The following PKP2 variants were observed in gnomAD, a reference collection of about 807,000 sequenced individuals.
The protein encoded by PKP2 is plakophilin 2, also known as plakophilin-2.
Under a neutral mutation model 83.4 loss-of-function variants are expected in PKP2, and 73 were observed. The observed-to-expected ratio is 0.88, with a 90% confidence interval of 0.72 to 1.06. The LOEUF (loss-of-function observed/expected upper bound fraction) is 1.06. Ranked by LOEUF, PKP2 falls within the 50% of genes least tolerant of loss-of-function variation. PKP2 has a pLI of 0.00. For missense variants in PKP2, 966 were observed against 1,065.4 expected, an observed-to-expected ratio of 0.91 and a Z score of 1.30; for synonymous variants, 409 against 430.4, an observed-to-expected ratio of 0.95 and a Z score of 0.62.
At chr12:32,887,493 G>A (rs759479396) in intron 1 of PKP2, among the ~76,000 whole-genome samples, 4 of 152,052 alleles carry the variant, frequency 2.6e-5, no homozygotes, top group Non-Finnish European at 4.4e-5. Context: ...TTGCTCTGTC[G>A]CCCAGGCTGA....
chr12:32,850,541 G>A (rs1362484108), intron 5 of PKP2, among the ~76,000 whole-genome samples: 1 of 151,758 alleles, frequency 6.6e-6, no homozygotes, highest in Non-Finnish European at 1.5e-5. Flanking sequence ...ACCTCAGCCT[G>A]GGTGATAGAG....
chr12:32,871,887 G>C (rs901894396), intron 3 of PKP2, among the ~76,000 whole-genome samples: 1 of 152,070 alleles, frequency 6.6e-6, no homozygotes, highest in East Asian at 1.9e-4. Context: ...AATCTTTTCT[G>C]TACCCCATCC....
chr12:32,864,433 T>C (rs1956829333), intron 4 of PKP2, among the ~76,000 whole-genome samples: 1 of 151,412 alleles, frequency 6.6e-6, no homozygotes, highest in African/African-American at 2.4e-5. Flanking sequence ...CCATTTATAA[T>C]AGCATCTGGA....
intron 3 of PKP2, among the ~76,000 whole-genome samples, chr12:32,869,280 C>T (rs544709512): frequency 1.2e-4 from 19 of 152,286 alleles, no homozygotes; most frequent in Admixed American, 5.9e-4. Flanking sequence ...AGACATTGGA[C>T]GATGTCATTC....
At chr12:32,829,640 G>C (rs1373716019) in intron 6 of PKP2, among the ~76,000 whole-genome samples, 1 of 151,032 alleles carries the variant, frequency 6.6e-6, no homozygotes, top group Non-Finnish European at 1.5e-5. Context: ...AAGGCCTGGT[G>C]GCTGTGGGAC....
At chr12:32,889,708 C>T (rs562118409) in intron 1 of PKP2, among the ~76,000 whole-genome samples, 65 of 152,198 alleles carry the variant, frequency 4.3e-4, no homozygotes, top group South Asian at 3.5e-3. Flanking sequence ...CAAATAGTTT[C>T]GACTGTTCTC....
intron 4 of PKP2, among the ~76,000 whole-genome samples, chr12:32,867,514 A>G (rs1280718454): frequency 6.6e-6 from 1 of 152,220 alleles, no homozygotes; most frequent in Non-Finnish European, 1.5e-5. Flanking sequence ...TTGTACCTCA[A>G]TAAGGTAGTT....
At chr12:32,850,488 C>T (rs1450297365) in intron 5 of PKP2, among the ~76,000 whole-genome samples, 1 of 152,018 alleles carries the variant, frequency 6.6e-6, no homozygotes, top group Non-Finnish European at 1.5e-5. Flanking sequence ...ATTGCTTGAA[C>T]CCTGGAGGCG....
At chr12:32,881,536 T>C (rs1956986206) in intron 1 of PKP2, among the ~76,000 whole-genome samples, 1 of 152,162 alleles carries the variant, frequency 6.6e-6, no homozygotes, top group Non-Finnish European at 1.5e-5. Flanking sequence ...TTGAAAGCAA[T>C]CTTTTCCATG....
chr12:32,873,565 C>CT (rs922292584), intron 3 of PKP2, among the ~76,000 whole-genome samples: 33 of 151,090 alleles, frequency 2.2e-4, no homozygotes, highest in African/African-American at 7.0e-4. Context: ...AGTCTTGCTC[C>CT]TTCGCCCAGG....
At chr12:32,869,893 G>A (rs1799470751) in intron 3 of PKP2, among the ~76,000 whole-genome samples, 1 of 152,066 alleles carries the variant, frequency 6.6e-6, no homozygotes, top group African/African-American at 2.4e-5. Context: ...GCTGGGTGTG[G>A]TGGCATGTGC....
rs951619489 is a variant in PKP2, at chr12:32,792,252, C to A, written c.*172G>T. 8 of 670,164 alleles carry A rather than the reference C, an allele frequency of 1.2e-5. No individual in the cohort carries two copies. The highest frequency in any genetic ancestry group is 2.2e-5 in the Non-Finnish European group (8 of 368,174). 41.5% of individuals were successfully genotyped at this position (670,164 alleles called of 1,614,324 possible). A position where few individuals can be genotyped will look rare whatever the true frequency, so the allele number is the denominator to read the frequency against. ...CTACTGGTGGCAAACTTGCAAAGGT[C>A]TTCTGGAAGACTCATAAAATTATGT... On this transcript the variant is annotated 3_prime_UTR_variant, in exon 13 of 13. Transcript: ENST00000340811.
intron 9 of PKP2, chr12:32,821,073 T>G: frequency 2.5e-6 from 1 of 400,846 alleles, no homozygotes; most frequent in Non-Finnish European, 4.7e-6. Context: ...CACCCTGGAG[T>G]TTTCAGTGCC....
chr12:32,869,598 C>CAA (rs749501554), intron 3 of PKP2, among the ~76,000 whole-genome samples: 2 of 82,238 alleles, frequency 2.4e-5, no homozygotes, highest in African/African-American at 9.5e-5. Flanking sequence ...GACTGCATCT[C>CAA]AAAAAAAAAA....
intron 4 of PKP2, among the ~76,000 whole-genome samples, chr12:32,866,974 C>T (rs1461713208): frequency 6.6e-6 from 1 of 152,238 alleles, no homozygotes; most frequent in South Asian, 2.1e-4. Flanking sequence ...CCAAAAAAAT[C>T]TTATATTCTA....
intron 11 of PKP2, among the ~76,000 whole-genome samples, chr12:32,793,659 G>A (rs1223925472): frequency 2.4e-5 from 3 of 127,568 alleles, no homozygotes; most frequent in Non-Finnish European, 4.8e-5. Flanking sequence ...GCAGTGGAGC[G>A]ATCTCGGCTC....
intron 1 of PKP2, among the ~76,000 whole-genome samples, chr12:32,892,254 C>T (rs1206123058): frequency 6.6e-6 from 1 of 151,888 alleles, no homozygotes; most frequent in Non-Finnish European, 1.5e-5. Flanking sequence ...AACAGTAGCG[C>T]CTAGTAACTA....
At chr12:32,833,817 T>C (rs1956521918) in intron 6 of PKP2, among the ~76,000 whole-genome samples, 1 of 152,146 alleles carries the variant, frequency 6.6e-6, no homozygotes, top group African/African-American at 2.4e-5. Context: ...TGTTTTAAAA[T>C]GTGTAATGAC....
intron 1 of PKP2, among the ~76,000 whole-genome samples, chr12:32,888,427 G>GCCTCTCACGTGCCAGGGTTAACCCCTC (rs1957049209): frequency 6.6e-6 from 1 of 151,570 alleles, no homozygotes; most frequent in Admixed American, 6.6e-5. Context: ...TATTTCCCCT[G>GCCTCTCACGTGCCAGGGTTAACCCCTC]CCTCTCACGT....
Sources: gnomAD v4.1 joint callset for allele counts (sites outside exome capture counted in the v4.1 genomes callset) on GRCh38, gnomAD v4.1.1 for gene constraint, MANE v1.5 for transcripts, NCBI Gene and HGNC (gene_info 2026-07-23, HGNC 2026-07-21) for gene names.